Variants in KDM4C observed in about 807,000 individuals in gnomAD.
KDM4C encodes the protein lysine demethylase 4C.
KDM4C carries 81 observed loss-of-function variants against 129.3 expected under a neutral mutation model. That is an observed-to-expected ratio of 0.63 (90% CI 0.52 to 0.75). The LOEUF is 0.75. Among genes scored for constraint, KDM4C ranks in the 30% least tolerant of loss-of-function variants. KDM4C has a pLI of 0.00. For synonymous variants in KDM4C, 573 were observed against 456.1 expected, an observed-to-expected ratio of 1.26 and a Z score of -3.26; for missense variants, 1,457 against 1,304.0, an observed-to-expected ratio of 1.12 and a Z score of -1.81.
At chr9:7,137,476 G>T (rs1241697167) in intron 19 of KDM4C, among the ~76,000 whole-genome samples, 2 of 152,110 alleles carry the variant, frequency 1.3e-5, no homozygotes, top group Admixed American at 6.5e-5. Flanking sequence ...AATGAAAATG[G>T]TACGTTAGCT....
intron 19 of KDM4C, among the ~76,000 whole-genome samples, chr9:7,156,779 G>A (rs1843217923): frequency 6.6e-6 from 1 of 152,174 alleles, no homozygotes; most frequent in South Asian, 2.1e-4. Context: ...TTTGAAGTCA[G>A]ATAGCGTGAT....
intron 20 of KDM4C, 145 bp downstream of exon 20, chr9:7,165,502 A>G (rs961965722): frequency 2.1e-6 from 2 of 932,030 alleles, no homozygotes; most frequent in African/African-American, 1.7e-5. Flanking sequence ...TTCAATGTGT[A>G]ATGACCCAGG....
chr9:7,173,361 A>C (rs993544177), intron 21 of KDM4C, among the ~76,000 whole-genome samples: 13 of 152,226 alleles, frequency 8.5e-5, no homozygotes, highest in African/African-American at 3.1e-4. Context: ...CCGTCTGAGC[A>C]GAGCACGGGG....
rs1246961475 is a variant in KDM4C at position 6,731,169 on chromosome 9, G to A, written c.49+10172G>A. Among the ~76,000 whole-genome samples, 4 of 152,062 alleles carry A rather than the reference G, an allele frequency of 2.6e-5. No homozygotes were observed. The East Asian group carries it at 7.7e-4, about 29-fold the overall frequency. On this transcript the variant is annotated intron_variant, in intron 1 of 17. Transcript: ENST00000536108. ...CAGAACACTGTGGGCTTTGCAAGGT[G>A]GGAACAAGGACTCAGTAGAGGGTAC...
chr9:7,150,420 GCCT>G (rs1842624333), intron 19 of KDM4C, among the ~76,000 whole-genome samples: 5 of 152,182 alleles, frequency 3.3e-5, no homozygotes, highest in Non-Finnish European at 7.3e-5. Flanking sequence ...CCACCTCTTT[GCCT>G]AACTACCTAC....
chr9:7,064,970 TAAAG>T (rs1336853765), intron 17 of KDM4C, among the ~76,000 whole-genome samples: 2 of 152,196 alleles, frequency 1.3e-5, no homozygotes, highest in Non-Finnish European at 2.9e-5. Flanking sequence ...TCTCTTAGAA[TAAAG>T]AGACTTAAAT....
At chr9:6,737,470 G>C (rs372510095) in intron 1 of KDM4C, among the ~76,000 whole-genome samples, 1 of 145,660 alleles carries the variant, frequency 6.9e-6, no homozygotes, top group Non-Finnish European at 1.5e-5. Context: ...AGACCAGCCT[G>C]TCTAACCTGG....
intron 17 of KDM4C, among the ~76,000 whole-genome samples, chr9:7,051,851 C>T (rs575453775): frequency 6.6e-6 from 1 of 152,226 alleles, no homozygotes; most frequent in South Asian, 2.1e-4. Flanking sequence ...GAATCAGACA[C>T]AGTTTTTGTT....
intron 15 of KDM4C, among the ~76,000 whole-genome samples, chr9:7,044,548 T>C (rs1433270112): frequency 6.6e-6 from 1 of 151,930 alleles, no homozygotes; most frequent in African/African-American, 2.4e-5. Flanking sequence ...CAGAACTCAG[T>C]TGATTGGATC....
chr9:6,753,798 G>C (rs1442337696), upstream of KDM4C, among the ~76,000 whole-genome samples: 1 of 149,470 alleles, frequency 6.7e-6, no homozygotes. Context: ...CATTATTCCT[G>C]TATAAGTAAC....
intron 18 of KDM4C, among the ~76,000 whole-genome samples, chr9:7,109,396 C>G (rs1363041791): frequency 6.6e-6 from 1 of 152,220 alleles, no homozygotes. Flanking sequence ...ATATCTCTCT[C>G]CAACTTTCTA....
In KDM4C at chr9:6,736,908, G is replaced by A. The variant is rs537404364; in HGVS notation, c.49+15911G>A. On this transcript the variant is annotated intron_variant, in intron 1 of 17. Transcript: ENST00000536108. ...TCTACAAAAAAATACAAAATTAGCC[G>A]GGCATGGGGGCACACACATGTAGTC... Among the ~76,000 whole-genome samples, 30 of 151,788 alleles carry A rather than the reference G, an allele frequency of 2.0e-4. 1 individual carries two copies. Among genetic ancestry groups the A allele is most frequent in the Admixed American group, 1.4e-3 (21 of 15,192 alleles).
At chr9:6,942,124 G>A (rs962299265) in intron 8 of KDM4C, among the ~76,000 whole-genome samples, 2 of 152,258 alleles carry the variant, frequency 1.3e-5, no homozygotes, top group African/African-American at 2.4e-5. Context: ...GGGTTTGACC[G>A]CATTGTGTTT....
intron 7 of KDM4C, among the ~76,000 whole-genome samples, chr9:6,890,827 A>G (rs1227576635): frequency 6.6e-6 from 1 of 152,188 alleles, no homozygotes; most frequent in African/African-American, 2.4e-5. Flanking sequence ...TAGATAATTA[A>G]TTAGATTCAG....
chr9:7,129,096 A>T (rs1840341086), intron 19 of KDM4C, among the ~76,000 whole-genome samples: 1 of 152,192 alleles, frequency 6.6e-6, no homozygotes, highest in South Asian at 2.1e-4. Flanking sequence ...ACCCTTAATA[A>T]TGTAGTCATC....
chr9:7,125,022 A>G lies in KDM4C; in HGVS notation c.2611-3044A>G, dbSNP rs148953716. Among the ~76,000 whole-genome samples, 7 of 152,240 alleles carry G rather than the reference A, an allele frequency of 4.6e-5. No individual in the cohort carries two copies. The East Asian group carries it at 1.4e-3, about 29-fold the overall frequency. Reference sequence around the variant, plus strand: ...CTTGTCTATGGCCATACAGACCTGGATCACCTGTCTTCTACATCTAAACCC... The same window carrying G: ...CTTGTCTATGGCCATACAGACCTGGGTCACCTGTCTTCTACATCTAAACCC... On this transcript the variant is annotated intron_variant, in intron 18 of 21. Transcript: ENST00000381309.
At chr9:7,056,674 T>C (rs1408196452) in intron 17 of KDM4C, among the ~76,000 whole-genome samples, 1 of 152,210 alleles carries the variant, frequency 6.6e-6, no homozygotes, top group Non-Finnish European at 1.5e-5. Flanking sequence ...TTTGAAGTCA[T>C]TTTTTCCTGA....
At chr9:6,859,814 G>A (rs989187094) in intron 5 of KDM4C, among the ~76,000 whole-genome samples, 1 of 148,796 alleles carries the variant, frequency 6.7e-6, no homozygotes, top group Non-Finnish European at 1.5e-5. Flanking sequence ...GTAGCAAGCC[G>A]AGATCGTGCC....
intron 1 of KDM4C, among the ~76,000 whole-genome samples, chr9:6,744,028 G>A (rs1193055137): frequency 7.0e-6 from 1 of 143,556 alleles, no homozygotes; most frequent in African/African-American, 2.6e-5. Context: ...GATTACAGGT[G>A]TGAGACACCA....
Sources: gnomAD v4.1 joint callset for allele counts (sites outside exome capture counted in the v4.1 genomes callset) on GRCh38, gnomAD v4.1.1 for gene constraint, MANE v1.5 for transcripts, NCBI Gene and HGNC (gene_info 2026-07-23, HGNC 2026-07-21) for gene names.